Variants in ATP8B4 observed in about 807,000 individuals in gnomAD.
The protein encoded by ATP8B4 is probable phospholipid-transporting ATPase IM.
ATP8B4 carries 133 observed loss-of-function variants against 145.6 expected under a neutral mutation model. That is an observed-to-expected ratio of 0.91 (90% CI 0.79 to 1.05). ATP8B4 has a LOEUF of 1.05. Ranked by LOEUF, ATP8B4 falls within the 50% of genes least tolerant of loss-of-function variation. The pLI is 0.00. For missense variants in ATP8B4, 1,458 were observed against 1,425.2 expected (o/e 1.02, Z -0.37); for synonymous variants, 507 against 492.9 (o/e 1.03, Z -0.38).
chr15:49,962,015 C>G lies in ATP8B4; in HGVS notation c.1249G>C (p.Val417Leu), dbSNP rs769086511. ...GTCTTCTGATCCAGGTCATCATGTACTTCACCTGACAAAACAAAAATTGAG... is the reference window on the plus strand; with the variant it reads ...GTCTTCTGATCCAGGTCATCATGTAGTTCACCTGACAAAACAAAAATTGAG... Reference protein sequence around the residue: ...CSINGRIYGEVHDDLDQKTEI... With the variant: ...CSINGRIYGELHDDLDQKTEI... Residue 417 changes from valine to leucine, a missense_variant, in exon 14 of 28, where the codon GTA (valine) becomes CTA (leucine). Coordinates refer to ENST00000284509, the MANE Select transcript of ATP8B4 (RefSeq NM_024837.4). The G allele has an allele frequency of 1.1e-5, 17 of 1,591,494 alleles. No homozygotes were observed. Among genetic ancestry groups the G allele is most frequent in the Non-Finnish European group, 1.4e-5 (17 of 1,172,760 alleles).
At chr15:50,170,146 G>A (rs545431261) in intron 1 of ATP8B4, among the ~76,000 whole-genome samples, 3 of 152,262 alleles carry the variant, frequency 2.0e-5, no homozygotes, top group African/African-American at 7.2e-5. Flanking sequence ...CCTTGTTAGA[G>A]ACCTAGACAT....
At chr15:50,161,032 C>T (rs978456933) in intron 1 of ATP8B4, among the ~76,000 whole-genome samples, 1 of 152,044 alleles carries the variant, frequency 6.6e-6, no homozygotes, top group African/African-American at 2.4e-5. Context: ...ATAACATTCA[C>T]TTTATGTATC....
intron 6 of ATP8B4, among the ~76,000 whole-genome samples, chr15:50,016,754 C>A (rs2153576753): frequency 6.6e-6 from 1 of 152,298 alleles, no homozygotes; most frequent in Admixed American, 6.5e-5. Context: ...CCAGAGAGGA[C>A]TGCCAGCTGA....
chr15:50,000,915 G>A (rs1384210526), intron 8 of ATP8B4, among the ~76,000 whole-genome samples: 1 of 151,386 alleles, frequency 6.6e-6, no homozygotes, highest in Non-Finnish European at 1.5e-5. Flanking sequence ...TCTTTTTTTT[G>A]AGAAAGTGGT....
intron 13 of ATP8B4, among the ~76,000 whole-genome samples, chr15:49,966,804 C>T (rs2044588736): frequency 1.3e-5 from 2 of 152,218 alleles, no homozygotes; most frequent in South Asian, 2.1e-4. Context: ...GGGTCCCTGA[C>T]CCCTGTGTAT....
At chr15:49,932,691 A>G (rs1478867948) in intron 15 of ATP8B4, among the ~76,000 whole-genome samples, 1 of 152,092 alleles carries the variant, frequency 6.6e-6, no homozygotes, top group Non-Finnish European at 1.5e-5. Context: ...GTGTTTTCTG[A>G]ACCAGGAGAA....
At chr15:50,035,664 T>C (rs532083185) in intron 6 of ATP8B4, among the ~76,000 whole-genome samples, 6 of 152,216 alleles carry the variant, frequency 3.9e-5, no homozygotes, top group South Asian at 2.1e-4. Flanking sequence ...CCACCCACCA[T>C]CCTGGCTCCT....
chr15:50,144,751 G>GT (rs11385259), intron 1 of ATP8B4, among the ~76,000 whole-genome samples: 36,065 of 147,966 alleles, frequency 0.24, 4,636 homozygotes, highest in East Asian at 0.41. Flanking sequence ...AATTACCCTT[G>GT]TTTTTTTTTT....
chr15:49,901,101 G>A lies in ATP8B4; in HGVS notation c.2280C>T (p.Gly760=). 2 of 1,612,516 alleles carry A rather than the reference G, an allele frequency of 1.2e-6. No homozygotes were observed. Among genetic ancestry groups the A allele is most frequent in the Non-Finnish European group, 1.7e-6 (2 of 1,179,258 alleles). ...CCTTAGGCAAACTCACCAAACTGTG[G>A]CCATTTATGATTAAGGCATAATCTC... ...ITGDYALIIN[G]HSLAHALESD... Residue 760 remains glycine (G), a synonymous_variant, in exon 21 of 28, where the codon GGC becomes GGT. Transcript: ENST00000284509.
rs138922493 is a variant in ATP8B4, at chr15:50,152,751, C to T, written c.-43+29510G>A. On this transcript the variant is annotated intron_variant, in intron 1 of 3. Transcript: ENST00000558829. ...AGAGCGATAATCAAAAGATTTCAAA[C>T]GCAACACAGAAAGTTACATGGATTT... Among the ~76,000 whole-genome samples, 1,039 of 152,234 alleles carry T rather than the reference C, an allele frequency of 6.8e-3. 8 individuals carry two copies. Among genetic ancestry groups the T allele is most frequent in the African/African-American group, 0.024 (1,004 of 41,532 alleles).
chr15:50,124,783 C>T (rs2057296658), intron 1 of ATP8B4, among the ~76,000 whole-genome samples: 1 of 152,146 alleles, frequency 6.6e-6, no homozygotes, highest in African/African-American at 2.4e-5. Context: ...TGCAAGCCCA[C>T]TCACCAAAAC....
chr15:50,147,420 CAAAAAA>C (rs11346792), intron 1 of ATP8B4, among the ~76,000 whole-genome samples: 69 of 122,748 alleles, frequency 5.6e-4, no homozygotes, highest in Middle Eastern at 8.6e-3. Flanking sequence ...ACACTGTCTC[CAAAAAA>C]AAAAAAAAAA....
At chr15:49,941,430 ATT>A (rs1452424399) in intron 14 of ATP8B4, among the ~76,000 whole-genome samples, 1 of 152,208 alleles carries the variant, frequency 6.6e-6, no homozygotes, top group Non-Finnish European at 1.5e-5. Context: ...ACCTAATCAC[ATT>A]TAATACAAAA....
chr15:49,968,895 G>A (rs2044813457), intron 13 of ATP8B4, among the ~76,000 whole-genome samples: 1 of 152,158 alleles, frequency 6.6e-6, no homozygotes, highest in South Asian at 2.1e-4. Flanking sequence ...CTCAGCAAAT[G>A]CAAAAGAATG....
intron 2 of ATP8B4, among the ~76,000 whole-genome samples, chr15:50,096,193 G>A (rs1600353163): frequency 1.3e-5 from 2 of 152,160 alleles, no homozygotes; most frequent in South Asian, 2.1e-4. Context: ...AGCCTGAGAA[G>A]CAAGAAGAAT....
Position 49,881,520 on chromosome 15 carries a change from A to G in ATP8B4, c.2698-2061T>C, listed in dbSNP as rs1413960873. On this transcript the variant is annotated intron_variant, in intron 23 of 27. Transcript: ENST00000284509. The stretch of plus-strand genomic sequence containing the variant: ...GTCCATGCTGGGAGCAAAGTGATAC[A>G]AGACAGCTGCAGCCACGTGAAGGAT... 6.6e-5 allele frequency among the ~76,000 whole-genome samples: 10 copies of G among 152,290 alleles called. No individual in the cohort carries two copies. The East Asian group carries it at 1.9e-3, about 29-fold the overall frequency.
intron 1 of ATP8B4, among the ~76,000 whole-genome samples, chr15:50,146,469 A>T (rs1478519265): frequency 6.6e-6 from 1 of 152,222 alleles, no homozygotes; most frequent in Admixed American, 6.5e-5. Context: ...TGAAATTCTA[A>T]CTGGCCACCC....
intron 6 of ATP8B4, among the ~76,000 whole-genome samples, chr15:50,014,188 A>G (rs1347737619): frequency 1.3e-5 from 2 of 152,134 alleles, no homozygotes; most frequent in Non-Finnish European, 2.9e-5. Context: ...TACTAGAGAG[A>G]GTAGATAATA....
At chr15:50,011,274 T>C (rs956274012) in intron 6 of ATP8B4, among the ~76,000 whole-genome samples, 3 of 152,134 alleles carry the variant, frequency 2.0e-5, no homozygotes, top group Non-Finnish European at 4.4e-5. Flanking sequence ...AGAAACATCA[T>C]TGCCATTGCC....
Sources: gnomAD v4.1 joint callset for allele counts (sites outside exome capture counted in the v4.1 genomes callset) on GRCh38, gnomAD v4.1.1 for gene constraint, MANE v1.5 for transcripts, NCBI Gene and HGNC (gene_info 2026-07-23, HGNC 2026-07-21) for gene names.